DPP10: variants seen among roughly 807,000 people sequenced by gnomAD.
The protein encoded by DPP10 is dipeptidyl peptidase like 10, also known as inactive dipeptidyl peptidase 10.
In DPP10, 33 loss-of-function variants were observed where a neutral mutation model predicts 120.9. The ratio of observed to expected loss-of-function variants is 0.27; its 90% CI spans 0.21 to 0.37. DPP10 has a LOEUF of 0.37. Among genes scored for constraint, DPP10 ranks in the 10% least tolerant of loss-of-function variants. The pLI, the probability that DPP10 is intolerant of heterozygous loss-of-function variation, is 1.00. For synonymous variants in DPP10, 337 were observed against 326.1 expected (o/e 1.03, Z -0.36); for missense variants, 816 against 942.8 (o/e 0.87, Z 1.76).
intron 16 of DPP10, 80 bp from the exon 17 acceptor site, chr2:115,782,272 A>C: frequency 1.6e-6 from 2 of 1,225,604 alleles, no homozygotes; most frequent in Non-Finnish European, 1.1e-6. Context: ...TTTGGGGGGA[A>C]AAAACTATTA....
At chr2:115,466,954 A>G in intron 3 of DPP10, among the ~76,000 whole-genome samples, 1 of 152,220 alleles carries the variant, frequency 6.6e-6, no homozygotes, top group African/African-American at 2.4e-5. Context: ...CTTTGAATTC[A>G]ATTTTTTTTG....
chr2:114,562,517 A>G (rs577922560), intron 1 of DPP10, among the ~76,000 whole-genome samples: 2 of 152,360 alleles, frequency 1.3e-5, no homozygotes, highest in South Asian at 4.1e-4. Flanking sequence ...TGGGGAAAGT[A>G]GATGCAATTC....
chr2:114,535,482 T>C (rs1390286269), intron 1 of DPP10, among the ~76,000 whole-genome samples: 3 of 152,208 alleles, frequency 2.0e-5, no homozygotes, highest in Non-Finnish European at 2.9e-5. Context: ...TCAGATGTTC[T>C]CTAAACATAT....
chr2:114,523,462 G>T (rs936999630), intron 1 of DPP10, among the ~76,000 whole-genome samples: 3 of 152,172 alleles, frequency 2.0e-5, no homozygotes, highest in African/African-American at 7.2e-5. Context: ...TTTCCCAATG[G>T]TGTCTCCTGT....
intron 1 of DPP10, among the ~76,000 whole-genome samples, chr2:115,003,648 A>G (rs1701608329): frequency 6.6e-6 from 1 of 152,198 alleles, no homozygotes; most frequent in East Asian, 1.9e-4. Context: ...TTTATACAAC[A>G]TGAACAATGC....
At chr2:115,162,030 T>G in intron 1 of DPP10, 1 of 1,411,180 alleles carries the variant, frequency 7.1e-7, no homozygotes, top group Non-Finnish European at 9.2e-7. Flanking sequence ...GCGGACCAGG[T>G]GAGAGTCGGC....
chr2:115,058,728 C>G (rs752192883), intron 1 of DPP10, among the ~76,000 whole-genome samples: 6 of 146,912 alleles, frequency 4.1e-5, no homozygotes, highest in Non-Finnish European at 7.4e-5. Flanking sequence ...CAGCCTGAAA[C>G]AAAGAAAAAG....
intron 19 of DPP10, among the ~76,000 whole-genome samples, chr2:115,813,707 T>A (rs1686914616): frequency 6.6e-6 from 1 of 152,216 alleles, no homozygotes; most frequent in South Asian, 2.1e-4. Flanking sequence ...CTCAGTTTCA[T>A]TTGTTGCTGA....
Position 115,496,583 on chromosome 2 carries a change from T to G in DPP10, c.272-2927T>G, listed in dbSNP as rs543265427. Among the ~76,000 whole-genome samples, 4 of 152,286 alleles carry G rather than the reference T, an allele frequency of 2.6e-5. No individual in the cohort carries two copies. The South Asian group carries it at 8.3e-4, about 32-fold the overall frequency. On this transcript the variant is annotated intron_variant, in intron 3 of 25. Coordinates refer to ENST00000410059, the MANE Select transcript of DPP10 (RefSeq NM_020868.6). ...GATTTTCTTTCACTATGAGGAACTA[T>G]GGGGTCACGCATTTCTTTTTCTCTT... is the stretch of plus-strand genomic sequence containing the variant.
chr2:115,378,754 A>T (rs1353384121), intron 3 of DPP10, among the ~76,000 whole-genome samples: 1 of 152,220 alleles, frequency 6.6e-6, no homozygotes, highest in Non-Finnish European at 1.5e-5. Context: ...TGAGATTTTT[A>T]GCATGAAGCG....
chr2:115,173,200 T>TA (rs2053476098), intron 1 of DPP10, among the ~76,000 whole-genome samples: 1 of 152,160 alleles, frequency 6.6e-6, no homozygotes, highest in Non-Finnish European at 1.5e-5. Context: ...TCTTGAGCTG[T>TA]AACAGCGAAT....
chr2:115,431,618 C>T (rs2070991744), intron 3 of DPP10, among the ~76,000 whole-genome samples: 1 of 152,130 alleles, frequency 6.6e-6, no homozygotes. Flanking sequence ...TCTCACATCT[C>T]CGCTAGCCCT....
chr2:114,673,657 T>C (rs1051793952), intron 1 of DPP10, among the ~76,000 whole-genome samples: 10 of 152,132 alleles, frequency 6.6e-5, no homozygotes, highest in Non-Finnish European at 1.0e-4. Context: ...GGTTTCACCA[T>C]GTTGGCCAGG....
chr2:114,724,451 A>G (rs1440336179), intron 1 of DPP10, among the ~76,000 whole-genome samples: 1 of 152,222 alleles, frequency 6.6e-6, no homozygotes, highest in Non-Finnish European at 1.5e-5. Flanking sequence ...GCATGTACCT[A>G]AAGTGCTTTC....
intron 1 of DPP10, among the ~76,000 whole-genome samples, chr2:114,662,189 G>A (rs185046085): frequency 2.6e-5 from 4 of 152,120 alleles, no homozygotes; most frequent in Admixed American, 2.6e-4. Flanking sequence ...GAGGCTCCGA[G>A]GGGGAGCGAG....
chr2:114,875,246 A>G (rs769656632), intron 1 of DPP10, among the ~76,000 whole-genome samples: 2 of 152,116 alleles, frequency 1.3e-5, no homozygotes, highest in African/African-American at 2.4e-5. Flanking sequence ...GAATCCCATA[A>G]TGGGAAGGGC....
At chr2:115,194,122 G>C (rs1476265993) in intron 1 of DPP10, among the ~76,000 whole-genome samples, 1 of 152,124 alleles carries the variant, frequency 6.6e-6, no homozygotes, top group Admixed American at 6.5e-5. Context: ...TCACAATGAA[G>C]TTTCCTCCAA....
chr2:115,277,021 A>C (rs2059947196), intron 1 of DPP10, among the ~76,000 whole-genome samples: 1 of 152,218 alleles, frequency 6.6e-6, no homozygotes, highest in African/African-American at 2.4e-5. Flanking sequence ...AAGAGGTTCT[A>C]AAATGAAATT....
chr2:114,953,737 A>G (rs1697971687), intron 1 of DPP10, among the ~76,000 whole-genome samples: 1 of 152,194 alleles, frequency 6.6e-6, no homozygotes, highest in Non-Finnish European at 1.5e-5. Flanking sequence ...AACAACAAGA[A>G]AATAAAAAAT....
Sources: gnomAD v4.1 joint callset for allele counts (sites outside exome capture counted in the v4.1 genomes callset) on GRCh38, gnomAD v4.1.1 for gene constraint, MANE v1.5 for transcripts, NCBI Gene and HGNC (gene_info 2026-07-23, HGNC 2026-07-21) for gene names.